The following TUBGCP4 variants were observed in gnomAD, a reference collection of about 807,000 sequenced individuals.
TUBGCP4 encodes the protein gamma-tubulin complex component 4.
In TUBGCP4, 54 loss-of-function variants were observed where a neutral mutation model predicts 91.6. That is an observed-to-expected ratio of 0.59 (90% confidence interval 0.47 to 0.74). The LOEUF is 0.74. TUBGCP4 is among the 30% of genes least tolerant of loss of function. TUBGCP4 has a pLI of 0.00. For synonymous variants in TUBGCP4, 297 were observed against 302.8 expected (o/e 0.98, Z 0.20); for missense variants, 593 against 800.9 (o/e 0.74, Z 3.13).
In TUBGCP4 at chr15:43,409,639, C is replaced by T; in HGVS notation, c.*4425C>T. On this transcript the variant is annotated 3_prime_UTR_variant, in exon 18 of 18. Transcript: ENST00000564079. ...CACTATATTAGGTTACACAAAGAAA[C>T]TCCTCACCTGGGCTTCATTGAAATC... 1 of 1,501,394 alleles carries T rather than the reference C, an allele frequency of 6.7e-7. No homozygotes were observed. 93.0% of individuals were successfully genotyped at this position (1,501,394 alleles called of 1,614,324 possible). A position where few individuals can be genotyped will look rare whatever the true frequency, so the allele number is the denominator to read the frequency against.
chr15:43,391,125 A>G (rs1163436792), intron 9 of TUBGCP4, among the ~76,000 whole-genome samples: 1 of 151,656 alleles, frequency 6.6e-6, no homozygotes, highest in Non-Finnish European at 1.5e-5. Flanking sequence ...TCCTGGGCTC[A>G]AGCAATCTTC....
chr15:43,390,874 G>A (rs1465039576), intron 9 of TUBGCP4, among the ~76,000 whole-genome samples: 1 of 152,164 alleles, frequency 6.6e-6, no homozygotes, highest in Admixed American at 6.5e-5. Flanking sequence ...CTGGAGAGCA[G>A]TGGTGCAATG....
At chr15:43,387,491 T>C (rs2044394557) in intron 9 of TUBGCP4, among the ~76,000 whole-genome samples, 2 of 152,238 alleles carry the variant, frequency 1.3e-5, no homozygotes, top group African/African-American at 4.8e-5. Context: ...TTATGGAGTC[T>C]TGCTGTGTCA....
chr15:43,405,001 C>T (rs1381479993), intron 17 of TUBGCP4: 1 of 590,088 alleles, frequency 1.7e-6, no homozygotes, highest in Non-Finnish European at 2.9e-6. Flanking sequence ...CATTCCCATT[C>T]AGAAAATCAC....
Position 43,409,218 on chromosome 15 carries a change from T to G in TUBGCP4, c.*4004T>G. 1 of 873,080 alleles carries G rather than the reference T, an allele frequency of 1.1e-6. No individual in the cohort carries two copies. Among genetic ancestry groups the G allele is most frequent in the Admixed American group, 2.2e-5 (1 of 46,412 alleles). The allele number at this position is 873,080 out of a possible 1,614,324, so 54.1% of individuals were successfully genotyped here. A position where few individuals can be genotyped will look rare whatever the true frequency, so the allele number is the denominator to read the frequency against. On this transcript the variant is annotated 3_prime_UTR_variant, in exon 18 of 18. Transcript: ENST00000564079. ...TCCCAACTACTACCCAAAATGTGAT[T>G]TAGTCTATCCTGCCCAAGGCCACTC... is the stretch of plus-strand genomic sequence containing the variant.
chr15:43,378,965 G>C (rs931061625), intron 5 of TUBGCP4, among the ~76,000 whole-genome samples: 59 of 152,216 alleles, frequency 3.9e-4, no homozygotes, highest in African/African-American at 1.4e-3. Flanking sequence ...TAGGCAAATA[G>C]AGTTAATGAG....
At chr15:43,384,005 G>A (rs1226881436) in intron 7 of TUBGCP4, among the ~76,000 whole-genome samples, 1 of 152,024 alleles carries the variant, frequency 6.6e-6, no homozygotes, top group Non-Finnish European at 1.5e-5. Flanking sequence ...GTAGAGACAG[G>A]GTTTTGTCAT....
rs200550774 is a variant in TUBGCP4, at chr15:43,395,573, C to G, written c.1066-10C>G. ...CTTTACTGAATTGTAAATTGAAATTCTTTCCTCAGATCATTAAAGACTTTT... is the reference window on the plus strand; with the variant it reads ...CTTTACTGAATTGTAAATTGAAATTGTTTCCTCAGATCATTAAAGACTTTT... On this transcript the variant is annotated splice_polypyrimidine_tract_variant and intron_variant, in intron 10 of 17. Transcript: ENST00000564079. The G allele has an allele frequency of 2.3e-5, 37 of 1,606,652 alleles. No homozygotes were observed. The African/African-American group carries it at 4.7e-4, about 20-fold the overall frequency.
At chr15:43,399,289 T>C (rs2044629560) in intron 13 of TUBGCP4, 1 of 412,450 alleles carries the variant, frequency 2.4e-6, no homozygotes, top group South Asian at 3.3e-5. Flanking sequence ...GGAGCGGGAG[T>C]CTGTCTCAGA....
intron 7 of TUBGCP4, among the ~76,000 whole-genome samples, chr15:43,385,076 G>C (rs2044334723): frequency 1.3e-5 from 2 of 152,160 alleles, no homozygotes; most frequent in Admixed American, 6.5e-5. Flanking sequence ...GTATACTGCT[G>C]GTATGCGGGG....
In TUBGCP4 at chr15:43,395,708, A is replaced by C; in HGVS notation, c.1171+20A>C. The C allele has an allele frequency of 6.3e-7, 1 of 1,587,082 alleles. No homozygotes were observed. Among genetic ancestry groups the C allele is most frequent in the Non-Finnish European group, 8.7e-7 (1 of 1,155,354 alleles). On this transcript the variant is annotated intron_variant, in intron 11 of 17. Coordinates refer to ENST00000564079, the MANE Select transcript of TUBGCP4 (RefSeq NM_014444.5). Reference sequence around the variant, plus strand: ...AGCATGGTAATTGTCAGTGGCCCTGAGAATGATCAACTGATTGACATTGCA... The same window carrying C: ...AGCATGGTAATTGTCAGTGGCCCTGCGAATGATCAACTGATTGACATTGCA...
chr15:43,372,633 G>A (rs1296418399), intron 1 of TUBGCP4, among the ~76,000 whole-genome samples: 1 of 151,760 alleles, frequency 6.6e-6, no homozygotes, highest in South Asian at 2.1e-4. Context: ...GGGAGGGGGT[G>A]GGGGAGACAA....
At chr15:43,377,492 G>T in intron 4 of TUBGCP4, 1 of 301,470 alleles carries the variant, frequency 3.3e-6, no homozygotes. Flanking sequence ...TTGTGGTGGC[G>T]TGCACCTGTA....
Position 43,371,101 on chromosome 15 carries a change from A to G in TUBGCP4, c.-254A>G, listed in dbSNP as rs1001561541. 1.4e-5 allele frequency: 8 copies of G among 569,072 alleles called. No individual in the cohort carries two copies. The highest frequency in any genetic ancestry group is 3.0e-5 in the Admixed American group (1 of 32,832). 35.3% of individuals were successfully genotyped at this position (569,072 alleles called of 1,614,324 possible). A position where few individuals can be genotyped will look rare whatever the true frequency, so the allele number is the denominator to read the frequency against. On this transcript the variant is annotated 5_prime_UTR_variant, in exon 1 of 18. Transcript: ENST00000564079. ...TGCGCGAGGGCAGCGACCGCGACTC[A>G]GTCTCCGCAGAGCCCGGGCGGGAGT...
In TUBGCP4 at chr15:43,406,396, A is replaced by G. The variant is rs2044879115; in HGVS notation, c.*1182A>G. On this transcript the variant is annotated 3_prime_UTR_variant, in exon 18 of 18. Transcript: ENST00000564079. ...TCCCTGCTATTATCAACTAAAGATC[A>G]CCCTTTCTACTGCTGTCTCTGGAGC... 1 of 326,918 alleles carries G rather than the reference A, an allele frequency of 3.1e-6. No homozygotes were observed. The highest frequency in any genetic ancestry group is 6.0e-6 in the Non-Finnish European group (1 of 165,724). 20.3% of individuals were successfully genotyped at this position (326,918 alleles called of 1,614,324 possible).
chr15:43,398,010 T>G (rs2044609960), intron 12 of TUBGCP4, 31 bp from the exon 13 acceptor site: 1 of 1,589,380 alleles, frequency 6.3e-7, no homozygotes, highest in Non-Finnish European at 8.5e-7. Flanking sequence ...GTTGTTATCT[T>G]TTCTTTTTTT....
chr15:43,384,770 C>G (rs189432144), intron 7 of TUBGCP4, among the ~76,000 whole-genome samples: 2 of 152,284 alleles, frequency 1.3e-5, no homozygotes, highest in Non-Finnish European at 2.9e-5. Flanking sequence ...GTACCACAGT[C>G]AGACTTCATG....
At position 43,408,141 on chromosome 15, in the gene TUBGCP4, T is replaced by C. The variant is rs770780348; in HGVS notation, c.*2927T>C. On this transcript the variant is annotated 3_prime_UTR_variant, in exon 18 of 18. Transcript: ENST00000564079. The stretch of plus-strand genomic sequence containing the variant: ...GCATGACAAGTAATATCCAACAAAC[T>C]GCCTTTCTGCAAAGGGACTCATGTA... The C allele has an allele frequency of 3.3e-5, 52 of 1,569,426 alleles. No individual in the cohort carries two copies. Among genetic ancestry groups the C allele is most frequent in the Admixed American group, 3.0e-4 (17 of 56,566 alleles).
At position 43,376,996 on chromosome 15, in the gene TUBGCP4, C is replaced by A. The variant is rs767979467; in HGVS notation, c.331-18C>A. The A allele has an allele frequency of 6.2e-7, 1 of 1,608,576 alleles. No homozygotes were observed. Among genetic ancestry groups the A allele is most frequent in the East Asian group, 2.2e-5 (1 of 44,858 alleles). On this transcript the variant is annotated intron_variant, in intron 3 of 17. Coordinates refer to ENST00000564079, the MANE Select transcript of TUBGCP4 (RefSeq NM_014444.5). ...GATATTTTGTGTGGAGCTCTAATCA[C>A]AAAGTTTTTTATTGCAGTTCCTGGG...
Sources: gnomAD v4.1 joint callset for allele counts (sites outside exome capture counted in the v4.1 genomes callset) on GRCh38, gnomAD v4.1.1 for gene constraint, MANE v1.5 for transcripts, NCBI Gene and HGNC (gene_info 2026-07-23, HGNC 2026-07-21) for gene names.